Variants in RAB3GAP2 observed in about 807,000 individuals in gnomAD.
The protein encoded by RAB3GAP2 is RAB3 GTPase activating non-catalytic protein subunit 2.
In RAB3GAP2, 87 loss-of-function variants were observed where a neutral mutation model predicts 185.3. That is an observed-to-expected ratio of 0.47 (90% CI 0.39 to 0.56). The LOEUF (loss-of-function observed/expected upper bound fraction) is 0.56, where lower values mean the gene tolerates loss of function less well. Among genes scored for constraint, RAB3GAP2 ranks in the 20% least tolerant of loss-of-function variants. The probability of loss-of-function intolerance (pLI) is 0.00; values close to 1 mark genes in which losing one functional copy is unlikely to be tolerated. For missense variants in RAB3GAP2, 1,492 were observed against 1,638.2 expected, an observed-to-expected ratio of 0.91 and a Z score of 1.54; for synonymous variants, 554 against 576.1, an observed-to-expected ratio of 0.96 and a Z score of 0.55.
At chr1:220,198,114 CCAT>C (rs1050269786) in intron 9 of RAB3GAP2, among the ~76,000 whole-genome samples, 13 of 152,022 alleles carry the variant, frequency 8.6e-5, no homozygotes, top group Non-Finnish European at 1.8e-4. Flanking sequence ...GCTTTGTGTT[CCAT>C]CATCATCACT....
intron 3 of RAB3GAP2, among the ~76,000 whole-genome samples, chr1:220,213,186 A>G (rs1281168449): frequency 1.3e-5 from 2 of 152,142 alleles, no homozygotes. Context: ...TCCTTCCCCC[A>G]ATTCAACCTG....
chr1:220,251,923 T>G (rs1659939747), intron 1 of RAB3GAP2, among the ~76,000 whole-genome samples: 2 of 151,650 alleles, frequency 1.3e-5, no homozygotes, highest in African/African-American at 4.8e-5. Flanking sequence ...GCCGAGGTGG[T>G]GGGATTGCTT....
chr1:220,193,799 T>C (rs1348035986), intron 12 of RAB3GAP2, among the ~76,000 whole-genome samples: 12 of 152,170 alleles, frequency 7.9e-5, no homozygotes, highest in Admixed American at 7.2e-4. Context: ...CCAATCTGCC[T>C]GAAGCAAAAA....
At chr1:220,189,224 A>G (rs1022626735) in intron 17 of RAB3GAP2, among the ~76,000 whole-genome samples, 2 of 151,772 alleles carry the variant, frequency 1.3e-5, no homozygotes, top group African/African-American at 2.4e-5. Flanking sequence ...ATGTGTAGGT[A>G]TGTGTATATA....
chr1:220,261,337 A>G (rs1660133889), intron 1 of RAB3GAP2, among the ~76,000 whole-genome samples: 2 of 152,212 alleles, frequency 1.3e-5, no homozygotes. Context: ...TGTATTAAGC[A>G]TAGTACTCAT....
chr1:220,180,678 C>T (rs1031005019), intron 21 of RAB3GAP2, among the ~76,000 whole-genome samples: 2 of 152,176 alleles, frequency 1.3e-5, no homozygotes, highest in East Asian at 1.9e-4. Flanking sequence ...ATCAATTATA[C>T]TCAAACTATT....
intron 1 of RAB3GAP2, 62 bp from the exon 2 acceptor site, chr1:220,232,925 A>AT: frequency 1.4e-6 from 2 of 1,433,560 alleles, no homozygotes; most frequent in Admixed American, 1.7e-5. Context: ...TCTTTAAAGC[A>AT]TTTTTTCTAA....
intron 1 of RAB3GAP2, among the ~76,000 whole-genome samples, chr1:220,247,866 T>A (rs143839045): frequency 6.1e-4 from 93 of 152,182 alleles, no homozygotes; most frequent in African/African-American, 2.1e-3. Context: ...ACTTGGAAAT[T>A]TTTTTAGTAT....
intron 6 of RAB3GAP2, 128 bp from the exon 7 acceptor site, chr1:220,210,617 A>G: frequency 1.0e-6 from 1 of 969,830 alleles, no homozygotes; most frequent in Non-Finnish European, 1.6e-6. Context: ...TTTTCAGAAT[A>G]CAGCTCCTCT....
At chr1:220,237,338 TC>T (rs1659612078) in intron 1 of RAB3GAP2, among the ~76,000 whole-genome samples, 1 of 152,136 alleles carries the variant, frequency 6.6e-6, no homozygotes, top group African/African-American at 2.4e-5. Flanking sequence ...AACCACCCAA[TC>T]TCCAAAAAGC....
chr1:220,239,989 TAAA>T (rs146214516), intron 1 of RAB3GAP2, among the ~76,000 whole-genome samples: 23 of 134,992 alleles, frequency 1.7e-4, no homozygotes, highest in Admixed American at 1.5e-4. Flanking sequence ...TTTTGAAGAT[TAAA>T]AAAAAAAAAA....
chr1:220,177,238 G>A (rs928291891), intron 21 of RAB3GAP2, among the ~76,000 whole-genome samples: 1 of 152,246 alleles, frequency 6.6e-6, no homozygotes, highest in Non-Finnish European at 1.5e-5. Flanking sequence ...GAGACCTGCA[G>A]CAAGCCTGGG....
intron 1 of RAB3GAP2, among the ~76,000 whole-genome samples, chr1:220,236,918 T>C (rs1659603860): frequency 6.6e-6 from 1 of 152,196 alleles, no homozygotes; most frequent in Non-Finnish European, 1.5e-5. Flanking sequence ...TATGGAATAT[T>C]ACTATAAGGC....
intron 28 of RAB3GAP2, among the ~76,000 whole-genome samples, chr1:220,161,722 A>G (rs1220615827): frequency 3.3e-5 from 5 of 152,240 alleles, no homozygotes; most frequent in Non-Finnish European, 7.3e-5. Context: ...GGGAACAACT[A>G]TAAAAATTAT....
intron 1 of RAB3GAP2, among the ~76,000 whole-genome samples, chr1:220,240,258 G>A (rs761406894): frequency 1.2e-4 from 18 of 152,140 alleles, no homozygotes; most frequent in East Asian, 3.8e-4. Flanking sequence ...TCAGGACAGC[G>A]TTCCAGCAAT....
At chr1:220,216,887 C>CT (rs1001916086) in intron 2 of RAB3GAP2, among the ~76,000 whole-genome samples, 98 of 147,896 alleles carry the variant, frequency 6.6e-4, no homozygotes, top group Non-Finnish European at 1.1e-3. Flanking sequence ...AGTTGCTTTT[C>CT]TTTTTTTTTT....
At chr1:220,250,575 A>G (rs1659914021) in intron 1 of RAB3GAP2, among the ~76,000 whole-genome samples, 1 of 152,200 alleles carries the variant, frequency 6.6e-6, no homozygotes, top group African/African-American at 2.4e-5. Context: ...AAATGTGAGG[A>G]CATGAGATTT....
chr1:220,150,976 C>A lies in RAB3GAP2; in HGVS notation c.*275G>T. 1.6e-5 allele frequency: 6 copies of A among 383,094 alleles called. No homozygotes were observed. Among genetic ancestry groups the A allele is most frequent in the South Asian group, 3.8e-5 (1 of 26,222 alleles). The allele number at this position is 383,094 out of a possible 1,614,324, so 23.7% of individuals were successfully genotyped here. On this transcript the variant is annotated 3_prime_UTR_variant, in exon 35 of 35. Coordinates refer to ENST00000358951, the MANE Select transcript of RAB3GAP2 (RefSeq NM_012414.4). Reference sequence around the variant, plus strand: ...TAAATAGCAAAGTTTAACAATAAAGCTACTTAAGTGTTTGAATTAGAAATA... The same window carrying A: ...TAAATAGCAAAGTTTAACAATAAAGATACTTAAGTGTTTGAATTAGAAATA...
chr1:220,209,130 C>G (rs1659031215), intron 7 of RAB3GAP2, among the ~76,000 whole-genome samples: 1 of 152,220 alleles, frequency 6.6e-6, no homozygotes, highest in Non-Finnish European at 1.5e-5. Context: ...GATAACTAGC[C>G]TCCCTAATTC....
Sources: allele counts gnomAD v4.1 joint callset (sites outside exome capture counted in the v4.1 genomes callset), GRCh38; gene constraint gnomAD v4.1.1; transcripts MANE v1.5; gene names NCBI Gene and HGNC (gene_info 2026-07-23, HGNC 2026-07-21).